Variants in DGKK observed in about 807,000 individuals in gnomAD.
DGKK encodes the protein 142 kDa diacylglycerol kinase.
A neutral mutation model predicts 92.2 loss-of-function variants in DGKK; 35 were observed. That is an observed-to-expected ratio of 0.38 (90% CI 0.29 to 0.50). The LOEUF (loss-of-function observed/expected upper bound fraction) is 0.50. Among genes scored for constraint, DGKK ranks in the 20% least tolerant of loss-of-function variants. The probability of loss-of-function intolerance (pLI) is 0.92; values close to 1 mark genes in which losing one functional copy is unlikely to be tolerated. For synonymous variants in DGKK, 368 were observed against 360.6 expected (o/e 1.02, Z -0.23); for missense variants, 910 against 992.2 (o/e 0.92, Z 1.11).
At chrX:50,406,247 G>A (rs1934188) in intron 4 of DGKK, among the ~76,000 whole-genome samples, 33,209 of 110,837 alleles carry the variant, frequency 0.3, 3,774 homozygotes, top group Admixed American at 0.42. Context: ...AGGTAAAATG[G>A]ACATTACTTA....
chrX:50,374,958 C>T lies in DGKK; in HGVS notation c.3501+13G>A, dbSNP rs782495355. ...ATACTTTGCCCTCCCAGACTCCAAC[C>T]CCCTGCACTCACCAGCTTTTCATCC... On this transcript the variant is annotated intron_variant, in intron 25 of 27. Transcript: ENST00000611977. 3.3e-6 allele frequency: 4 copies of T among 1,196,453 alleles called. No individual in the cohort carries two copies. The highest frequency in any genetic ancestry group is 2.2e-5 in the Admixed American group (1 of 45,502).
intron 1 of DGKK, among the ~76,000 whole-genome samples, chrX:50,430,082 A>T (rs1041365283): frequency 8.9e-6 from 1 of 112,280 alleles, no homozygotes; most frequent in African/African-American, 3.2e-5. Flanking sequence ...CAGTTTTGAG[A>T]CTTTGCAACA....
intron 8 of DGKK, among the ~76,000 whole-genome samples, chrX:50,399,034 A>C (rs1287479455): frequency 1.8e-5 from 2 of 112,507 alleles, no homozygotes; most frequent in African/African-American, 6.5e-5. Context: ...GGGTGACTCC[A>C]TATGGATAAC....
chrX:50,451,139 A>G (rs1283840564), intron 1 of DGKK, among the ~76,000 whole-genome samples: 1 of 111,348 alleles, frequency 9.0e-6, no homozygotes, highest in Non-Finnish European at 1.9e-5. Flanking sequence ...AAATAAAAAA[A>G]TGGGGCTTTG....
chrX:50,370,381 T>C (rs1056517676), intron 27 of DGKK, 45 bp downstream of exon 27: 1 of 1,160,802 alleles, frequency 8.6e-7, no homozygotes, highest in African/African-American at 1.8e-5. Context: ...AGCCAGGCTG[T>C]TGGGGGAAGT....
At chrX:50,380,482 C>T (rs781924039) in intron 18 of DGKK, among the ~76,000 whole-genome samples, 2 of 111,301 alleles carry the variant, frequency 1.8e-5, no homozygotes, top group Admixed American at 9.6e-5. Flanking sequence ...AAACACGTGA[C>T]TCTTAGAGTG....
At position 50,403,045 on chromosome X, in the gene DGKK, A is replaced by T. The variant is rs1557226809; in HGVS notation, c.1308+16T>A. ...GGAGTTAAGTTCTCTAAATATCAAG[A>T]TGAGAAGAGTCTTACCGTAGAATTA... On this transcript the variant is annotated intron_variant, in intron 7 of 27. Coordinates refer to ENST00000611977, the MANE Select transcript of DGKK (RefSeq NM_001013742.4). 1 of 1,209,118 alleles carries T rather than the reference A, an allele frequency of 8.3e-7. No homozygotes were observed. Among genetic ancestry groups the T allele is most frequent in the Non-Finnish European group, 1.1e-6 (1 of 894,008 alleles).
Position 50,424,250 on chromosome X carries a change from C to T in DGKK, c.754G>A (p.Ala252Thr), listed in dbSNP as rs372440338. The T allele has an allele frequency of 1.3e-5, 16 of 1,208,759 alleles. No individual in the cohort carries two copies. The highest frequency in any genetic ancestry group is 4.4e-5 in the Admixed American group (2 of 45,776). ...GTTGACAATATGCTATACATTACCGCGGGATGGTGTGCAAAGTAGAGCTTC... is the reference window on the plus strand; with the variant it reads ...GTTGACAATATGCTATACATTACCGTGGGATGGTGTGCAAAGTAGAGCTTC... The part of the protein sequence containing the change: ...GQKLYFAHHP[A>T]FAHFETIDLS... The change falls in exon 2 of 28, where the codon GCG (alanine) becomes ACG (threonine). Residue 252 changes from alanine (A) to threonine (T), a missense_variant and splice_region_variant. Physicochemically the swap from Ala to Thr is moderately conservative, Grantham distance 58. Coordinates refer to ENST00000611977, the MANE Select transcript of DGKK (RefSeq NM_001013742.4).
At chrX:50,420,531 G>A in intron 3 of DGKK, 24 bp from the exon 4 acceptor site, 2 of 1,179,891 alleles carry the variant, frequency 1.7e-6, no homozygotes, top group East Asian at 3.0e-5. Context: ...CACATTATTA[G>A]CTGGTTCCCA....
intron 23 of DGKK, among the ~76,000 whole-genome samples, chrX:50,376,535 C>G (rs1011758041): frequency 9.0e-6 from 1 of 111,621 alleles, no homozygotes; most frequent in Non-Finnish European, 1.9e-5. Context: ...AACAAGAGAT[C>G]CAAATTAATC....
intron 16 of DGKK, 123 bp downstream of exon 16, chrX:50,384,597 G>A (rs1924493817): frequency 1.7e-6 from 1 of 598,114 alleles, no homozygotes; most frequent in African/African-American, 2.2e-5. Context: ...GGGAAAGACG[G>A]AGGGGTATCT....
chrX:50,377,452 G>T (rs1422177343), intron 22 of DGKK, among the ~76,000 whole-genome samples: 2 of 112,385 alleles, frequency 1.8e-5, no homozygotes, highest in Non-Finnish European at 3.8e-5. Flanking sequence ...ATTGTGGAGA[G>T]AACCTACATG....
intron 1 of DGKK, among the ~76,000 whole-genome samples, chrX:50,464,246 A>G (rs782672754): frequency 1.9e-5 from 2 of 107,896 alleles, no homozygotes; most frequent in African/African-American, 6.7e-5. Flanking sequence ...CATTAGTAAT[A>G]TCCTCTTCAC....
At chrX:50,385,257 T>C (rs868910934) in intron 15 of DGKK, among the ~76,000 whole-genome samples, 14 of 111,551 alleles carry the variant, frequency 1.3e-4, no homozygotes, top group South Asian at 3.8e-4. Context: ...GTGCCACTCT[T>C]TCACTCTAAT....
rs1557232106 is a variant in DGKK, at chrX:50,447,424, ATATT to A, written c.645+22606_645+22609del. ...ATATATATATAATATATATATATAT[ATATT>A]ATATATATATTTCACAGAAGTTGAG... On this transcript the variant is annotated intron_variant, in intron 1 of 27. Coordinates refer to ENST00000611977, the MANE Select transcript of DGKK (RefSeq NM_001013742.4). 1.9e-3 allele frequency among the ~76,000 whole-genome samples: 35 copies of A among 18,718 alleles called. 5 individuals carry two copies. The African/African-American group carries it at 0.026, about 14-fold the overall frequency. 16.3% of individuals were successfully genotyped at this position (18,718 alleles called of 115,157 possible).
chrX:50,379,519 C>T, intron 20 of DGKK, 108 bp downstream of exon 20: 1 of 645,722 alleles, frequency 1.5e-6, no homozygotes, highest in South Asian at 2.7e-5. Flanking sequence ...GGACCACCTC[C>T]TCTTCTCCCA....
At chrX:50,431,292 T>C (rs1306738127) in intron 1 of DGKK, among the ~76,000 whole-genome samples, 2 of 111,208 alleles carry the variant, frequency 1.8e-5, no homozygotes, top group Non-Finnish European at 3.8e-5. Context: ...TGTAATCCCA[T>C]TACAGAAATG....
intron 11 of DGKK, among the ~76,000 whole-genome samples, chrX:50,390,769 T>A (rs1227318721): frequency 1.8e-5 from 2 of 111,918 alleles, no homozygotes; most frequent in Admixed American, 9.4e-5. Context: ...CAGGTTGATG[T>A]TTTTAAAAAG....
intron 14 of DGKK, among the ~76,000 whole-genome samples, 198 bp downstream of exon 14, chrX:50,387,356 A>G (rs1557225054): frequency 9.0e-6 from 1 of 111,535 alleles, no homozygotes; most frequent in East Asian, 2.8e-4. Flanking sequence ...GTATGTGTGT[A>G]TGCATGCAGA....
Sources: gnomAD v4.1 joint callset for allele counts (sites outside exome capture counted in the v4.1 genomes callset) on GRCh38, gnomAD v4.1.1 for gene constraint, MANE v1.5 for transcripts, NCBI Gene and HGNC (gene_info 2026-07-23, HGNC 2026-07-21) for gene names.